The following TRHDE variants were observed in gnomAD, a reference collection of about 807,000 sequenced individuals.
The protein encoded by TRHDE is thyrotropin-releasing hormone-degrading ectoenzyme.
Under a neutral mutation model 125.7 loss-of-function variants are expected in TRHDE, and 72 were observed. That is an observed-to-expected ratio of 0.57 (90% CI 0.47 to 0.70). The LOEUF (loss-of-function observed/expected upper bound fraction) is 0.70, where lower values mean the gene tolerates loss of function less well. TRHDE is among the 30% of genes least tolerant of loss of function. The pLI is 0.00. For missense variants in TRHDE, 1,110 were observed against 1,327.1 expected, an observed-to-expected ratio of 0.84 and a Z score of 2.54; for synonymous variants, 509 against 509.1, an observed-to-expected ratio of 1.00 and a Z score of 0.00.
chr12:72,290,023 G>A (rs1880027616), intron 2 of TRHDE, among the ~76,000 whole-genome samples: 1 of 152,212 alleles, frequency 6.6e-6, no homozygotes, highest in African/African-American at 2.4e-5. Context: ...TTGTGGTTTA[G>A]GAACACTAGT....
chr12:72,183,605 T>C (rs1160693178), intron 2 of TRHDE, among the ~76,000 whole-genome samples: 1 of 152,222 alleles, frequency 6.6e-6, no homozygotes, highest in Non-Finnish European at 1.5e-5. Context: ...ATTGGTAATT[T>C]CATATGCATC....
chr12:72,267,231 T>C (rs1216374093), intron 2 of TRHDE, among the ~76,000 whole-genome samples: 1 of 152,130 alleles, frequency 6.6e-6, no homozygotes, highest in African/African-American at 2.4e-5. Flanking sequence ...CCATGATCTA[T>C]ACTTTGACTT....
intron 6 of TRHDE, among the ~76,000 whole-genome samples, chr12:72,515,560 G>C (rs550263946): frequency 6.6e-6 from 1 of 152,048 alleles, no homozygotes; most frequent in Non-Finnish European, 1.5e-5. Flanking sequence ...AGATGAGTAG[G>C]TTGCGAAAAT....
chr12:72,176,790 T>A (rs1428175073), intron 2 of TRHDE, among the ~76,000 whole-genome samples: 1 of 152,214 alleles, frequency 6.6e-6, no homozygotes, highest in Non-Finnish European at 1.5e-5. Flanking sequence ...AAAGAGTTAC[T>A]TCTCATTTAA....
intron 2 of TRHDE, among the ~76,000 whole-genome samples, chr12:72,363,569 AAC>A (rs1460712138): frequency 1.2e-4 from 18 of 152,226 alleles, no homozygotes; most frequent in African/African-American, 3.9e-4. Flanking sequence ...GAAATTCAAC[AAC>A]GCTTCATGCT....
intron 2 of TRHDE, among the ~76,000 whole-genome samples, chr12:72,171,769 C>T (rs900679418): frequency 4.6e-5 from 7 of 152,130 alleles, no homozygotes; most frequent in Non-Finnish European, 1.0e-4. Flanking sequence ...AATGCTATGG[C>T]CTATGTTTCC....
At chr12:72,351,146 A>G (rs1024544950) in intron 2 of TRHDE, among the ~76,000 whole-genome samples, 2 of 152,000 alleles carry the variant, frequency 1.3e-5, no homozygotes, top group Non-Finnish European at 2.9e-5. Context: ...ATAAATTCTT[A>G]GATAAGAGTG....
At chr12:72,148,604 T>C (rs1267069809) in intron 2 of TRHDE, among the ~76,000 whole-genome samples, 2 of 152,210 alleles carry the variant, frequency 1.3e-5, no homozygotes, top group African/African-American at 4.8e-5. Context: ...CGCATATTCA[T>C]AGCCTCTGAT....
chr12:72,288,573 C>T (rs191908806), intron 2 of TRHDE, among the ~76,000 whole-genome samples: 12 of 152,238 alleles, frequency 7.9e-5, no homozygotes, highest in Admixed American at 3.3e-4. Context: ...TACACAGACA[C>T]GGAACACGAA....
intron 6 of TRHDE, among the ~76,000 whole-genome samples, chr12:72,512,577 C>A (rs1440657020): frequency 2.2e-5 from 3 of 133,896 alleles, no homozygotes; most frequent in African/African-American, 5.6e-5. Flanking sequence ...AATATATAAT[C>A]ATATAATAAT....
intron 3 of TRHDE, among the ~76,000 whole-genome samples, chr12:72,425,925 C>T (rs1351823031): frequency 6.8e-6 from 1 of 148,044 alleles, no homozygotes; most frequent in African/African-American, 2.4e-5. Context: ...GTTGCCAAAA[C>T]TCATATATAT....
chr12:72,555,166 T>C (rs554887139), intron 7 of TRHDE, among the ~76,000 whole-genome samples: 2 of 152,332 alleles, frequency 1.3e-5, no homozygotes, highest in East Asian at 3.9e-4. Context: ...TTGTATAACA[T>C]GTAAAATGCC....
intron 2 of TRHDE, among the ~76,000 whole-genome samples, chr12:72,374,060 C>G (rs1274687954): frequency 6.6e-6 from 1 of 151,968 alleles, no homozygotes; most frequent in African/African-American, 2.4e-5. Context: ...GTCATTCAGG[C>G]AAGAAATGGA....
intron 2 of TRHDE, among the ~76,000 whole-genome samples, chr12:72,187,623 G>A (rs1034598450): frequency 6.6e-6 from 1 of 152,074 alleles, no homozygotes; most frequent in African/African-American, 2.4e-5. Context: ...GGTGAGAGAT[G>A]TAAATTTGCC....
At chr12:72,477,121 G>C (rs1876934700) in intron 5 of TRHDE, among the ~76,000 whole-genome samples, 1 of 152,084 alleles carries the variant, frequency 6.6e-6, no homozygotes, top group South Asian at 2.1e-4. Flanking sequence ...GACTTAGTAA[G>C]TCCACATAAT....
chr12:72,155,178 G>C (rs995839568), intron 2 of TRHDE, among the ~76,000 whole-genome samples: 10 of 152,036 alleles, frequency 6.6e-5, no homozygotes, highest in African/African-American at 2.2e-4. Flanking sequence ...TCTTCCAGTT[G>C]ATTGAATTGG....
chr12:72,272,685 G>C lies in TRHDE; in HGVS notation c.42G>C (p.Lys14Asn). 7.4e-7 allele frequency: 1 copy of C among 1,357,188 alleles called. No individual in the cohort carries two copies. Among genetic ancestry groups the C allele is most frequent in the Non-Finnish European group, 9.7e-7 (1 of 1,030,024 alleles). 84.1% of individuals were successfully genotyped at this position (1,357,188 alleles called of 1,614,324 possible). ...AGCTGGGGGAGCAAGAGGAGGAGAA[G>C]AAAAAGAAGAAGAAAAAGAAGAGGA... ...DGELGEQEEE[K>N]KKKKKKKRKK... The change falls in exon 1 of 19, where the codon AAG becomes AAC. Residue 14 changes from lysine (K) to asparagine (N), a missense_variant. Coordinates refer to ENST00000261180, the MANE Select transcript of TRHDE (RefSeq NM_013381.3). The surrounding 1 kb of genome is among the most constrained non-coding windows in gnomAD (Gnocchi z 6.7).
At chr12:72,247,263 A>G (rs1175653541) in intron 2 of TRHDE, among the ~76,000 whole-genome samples, 2 of 152,184 alleles carry the variant, frequency 1.3e-5, no homozygotes, top group Non-Finnish European at 2.9e-5. Flanking sequence ...CATGCTCAGT[A>G]CAGATGTAAC....
chr12:72,475,560 C>T (rs563532113), intron 5 of TRHDE, among the ~76,000 whole-genome samples: 1 of 152,270 alleles, frequency 6.6e-6, no homozygotes, highest in South Asian at 2.1e-4. Context: ...AATGACTTTT[C>T]ATATTTCTTC....
Sources: allele counts gnomAD v4.1 joint callset (sites outside exome capture counted in the v4.1 genomes callset), GRCh38; gene constraint gnomAD v4.1.1; non-coding constraint Gnocchi (gnomAD v3.1); transcripts MANE v1.5; gene names NCBI Gene and HGNC (gene_info 2026-07-23, HGNC 2026-07-21).